The following FAM193A variants were observed in gnomAD, a reference collection of about 807,000 sequenced individuals.
FAM193A encodes the protein family with sequence similarity 193 member A.
In FAM193A, 22 loss-of-function variants were observed where a neutral mutation model predicts 126.5. The ratio of observed to expected loss-of-function variants is 0.17; its 90% CI spans 0.12 to 0.25. The LOEUF (loss-of-function observed/expected upper bound fraction) is 0.25, where lower values mean the gene tolerates loss of function less well. FAM193A is among the 10% of genes least tolerant of loss of function. The pLI is 1.00. For missense variants in FAM193A, 1,675 were observed against 1,672.8 expected (o/e 1.00, Z -0.02); for synonymous variants, 761 against 646.8 (o/e 1.18, Z -2.68).
chr4:2,578,251 C>T (rs1042176019), intron 1 of FAM193A, among the ~76,000 whole-genome samples: 2 of 152,062 alleles, frequency 1.3e-5, no homozygotes, highest in Admixed American at 6.6e-5. Context: ...TACTCTGTTA[C>T]TTATAATATT....
In FAM193A at chr4:2,568,973, C is replaced by CTTTTTTTTTT. The variant is rs753557878; in HGVS notation, c.256-27099_256-27090dup. On this transcript the variant is annotated intron_variant, in intron 1 of 20. Transcript: ENST00000637812. ...GATTTCTTTTGTTGTTGTTGTTTTG[C>CTTTTTTTTTT]TTTTTTTTTTTTTTTTTTTTTGATC... 1.5e-4 allele frequency among the ~76,000 whole-genome samples: 14 copies of CTTTTTTTTTT among 90,722 alleles called. 1 individual carries two copies. The highest frequency in any genetic ancestry group is 4.1e-4 in the African/African-American group (9 of 21,726). 59.5% of individuals were successfully genotyped at this position (90,722 alleles called of 152,430 possible). A position where few individuals can be genotyped will look rare whatever the true frequency, so the allele number is the denominator to read the frequency against.
intron 19 of FAM193A, among the ~76,000 whole-genome samples, chr4:2,712,131 T>C (rs1353715340): frequency 6.6e-6 from 1 of 152,168 alleles, no homozygotes; most frequent in Non-Finnish European, 1.5e-5. Context: ...CTTTTGTAAC[T>C]CCTCCATGTG....
At chr4:2,681,657 T>G (rs1381970500) in intron 13 of FAM193A, among the ~76,000 whole-genome samples, 2 of 151,816 alleles carry the variant, frequency 1.3e-5, no homozygotes, top group Non-Finnish European at 2.9e-5. Context: ...GGGACGGAGG[T>G]CTCACCATGT....
At chr4:2,535,500 GA>G (rs1018968727), upstream of FAM193A, among the ~76,000 whole-genome samples, 1 of 152,206 alleles carries the variant, frequency 6.6e-6, no homozygotes, top group African/African-American at 2.4e-5. Context: ...CCAAAAAGGG[GA>G]AATCATGTCC....
At position 2,574,535 on chromosome 4, in the gene FAM193A, G is replaced by A. The variant is rs545531000; in HGVS notation, c.256-21549G>A. 2.6e-5 allele frequency among the ~76,000 whole-genome samples: 4 copies of A among 152,242 alleles called. No homozygotes were observed. In the South Asian group the frequency reaches 8.3e-4, roughly 32 times the overall value. ...CCCCTAAATCCAACTTCTGGGAGTC[G>A]TGTGTATTGACGGTCATGGATGTGG... is the stretch of plus-strand genomic sequence containing the variant. On this transcript the variant is annotated intron_variant, in intron 1 of 20. Transcript: ENST00000637812.
chr4:2,659,618 T>C lies in FAM193A; in HGVS notation c.1450T>C (p.Leu484=). Residue 484 remains leucine, a synonymous_variant, in exon 9 of 21, where the codon TTA becomes CTA. Coordinates refer to ENST00000637812, the MANE Select transcript of FAM193A (RefSeq NM_001366318.2). ...NNFTDTMRHM[L]SSRLSMPDCP... The stretch of plus-strand genomic sequence containing the variant: ...CTTCACAGACACCATGAGGCACATG[T>C]TATCGTCCCGGCTGAGCATGCCCGA... The C allele has an allele frequency of 6.2e-7, 1 of 1,614,146 alleles. No individual in the cohort carries two copies. Among genetic ancestry groups the C allele is most frequent in the Non-Finnish European group, 8.5e-7 (1 of 1,180,032 alleles).
chr4:2,661,392 T>C (rs1009448312), intron 10 of FAM193A, among the ~76,000 whole-genome samples: 2 of 152,258 alleles, frequency 1.3e-5, no homozygotes, highest in Admixed American at 6.5e-5. Flanking sequence ...GTTGGATCTT[T>C]ACGGAGCTAG....
intron 1 of FAM193A, among the ~76,000 whole-genome samples, chr4:2,550,893 C>G (rs192541482): frequency 6.6e-6 from 1 of 151,590 alleles, no homozygotes; most frequent in African/African-American, 2.4e-5. Flanking sequence ...CTCTGCCTCC[C>G]GGGTTCACGC....
chr4:2,542,215 C>T (rs1342669301), intron 1 of FAM193A, among the ~76,000 whole-genome samples: 2 of 152,034 alleles, frequency 1.3e-5, no homozygotes, highest in Admixed American at 6.6e-5. Context: ...GGGGCTTCAC[C>T]ATGTTGGTCT....
Position 2,696,373 on chromosome 4 carries a change from C to A in FAM193A, c.3287C>A (p.Ala1096Glu). ...EFFGHGGPPA[A>E]PTSRNYAEMR... ...TGTTGTTTTTCTCAGCCTCCAGCTGCACCAACAAGTAGAAATTATGCAGAA... is the reference window on the plus strand; with the variant it reads ...TGTTGTTTTTCTCAGCCTCCAGCTGAACCAACAAGTAGAAATTATGCAGAA... Residue 1096 changes from alanine to glutamate, a missense_variant, in exon 18 of 21, where the codon GCA (alanine) becomes GAA (glutamate). Coordinates refer to ENST00000637812, the MANE Select transcript of FAM193A (RefSeq NM_001366318.2). The A allele has an allele frequency of 6.2e-7, 1 of 1,611,628 alleles. No homozygotes were observed. Among genetic ancestry groups the A allele is most frequent in the Non-Finnish European group, 8.5e-7 (1 of 1,178,102 alleles).
At chr4:2,653,018 T>A (rs971268059) in intron 7 of FAM193A, among the ~76,000 whole-genome samples, 2 of 152,210 alleles carry the variant, frequency 1.3e-5, no homozygotes, top group African/African-American at 2.4e-5. Flanking sequence ...GTCAGCGGTG[T>A]CCTACGTAGC....
At chr4:2,580,527 G>T (rs761518657) in intron 1 of FAM193A, among the ~76,000 whole-genome samples, 1 of 152,156 alleles carries the variant, frequency 6.6e-6, no homozygotes, top group African/African-American at 2.4e-5. Context: ...TGGAGCTAGG[G>T]TCTGCTGGGA....
intron 12 of FAM193A, among the ~76,000 whole-genome samples, chr4:2,664,671 A>G (rs774547130): frequency 2.7e-5 from 4 of 146,966 alleles, no homozygotes; most frequent in African/African-American, 5.1e-5. Flanking sequence ...GGTTCAAGCA[A>G]TTCTGCCTCA....
intron 1 of FAM193A, among the ~76,000 whole-genome samples, chr4:2,582,675 T>C (rs1166080355): frequency 1.3e-5 from 2 of 152,166 alleles, no homozygotes; most frequent in Non-Finnish European, 2.9e-5. Context: ...TCTCAACCGT[T>C]ATTTCTTCTG....
intron 1 of FAM193A, among the ~76,000 whole-genome samples, chr4:2,543,276 A>G (rs1391262696): frequency 6.6e-6 from 1 of 151,620 alleles, no homozygotes; most frequent in African/African-American, 2.4e-5. Context: ...TTTAGTAGAG[A>G]CAGGGTTTCA....
intron 2 of FAM193A, among the ~76,000 whole-genome samples, chr4:2,621,758 A>G (rs181477387): frequency 1.9e-3 from 292 of 152,184 alleles, no homozygotes; most frequent in Non-Finnish European, 3.4e-3. Flanking sequence ...GGAGTGGACA[A>G]CTTTGCTGTT....
Position 2,716,059 on chromosome 4 carries a change from G to A in FAM193A, c.4409G>A (p.Ser1470Asn), listed in dbSNP as rs1169839258. ...CTACCTAAAGATATTGACCTAGACA[G>A]TGTGGATATGGATGAGACAGAGAGG... is the stretch of plus-strand genomic sequence containing the variant. ...VFLPKDIDLDSVDMDETEREV... is the reference protein window; with the variant it reads ...VFLPKDIDLDNVDMDETEREV... Residue 1470 changes from serine to asparagine, a missense_variant, in exon 20 of 21, where the codon AGT becomes AAT. Physicochemically the swap from Ser to Asn is conservative, Grantham distance 46 (BLOSUM62 1). This residue lies in a region of FAM193A where 415 missense variants were observed against 396.7 expected (regional missense o/e 1.05). Transcript: ENST00000637812. The A allele has an allele frequency of 1.9e-6, 3 of 1,608,180 alleles. No individual in the cohort carries two copies. Among genetic ancestry groups the A allele is most frequent in the Non-Finnish European group, 2.6e-6 (3 of 1,174,480 alleles).
At chr4:2,636,000 ATT>A (rs796940676) in intron 5 of FAM193A, among the ~76,000 whole-genome samples, 7 of 144,982 alleles carry the variant, frequency 4.8e-5, no homozygotes, top group African/African-American at 1.3e-4. Context: ...AAAAGGACGA[ATT>A]TTTTTTTTTT....
chr4:2,689,608 G>C lies in FAM193A; in HGVS notation c.2434G>C (p.Glu812Gln). 6.4e-7 allele frequency: 1 copy of C among 1,568,476 alleles called. No homozygotes were observed. Among genetic ancestry groups the C allele is most frequent in the Non-Finnish European group, 8.6e-7 (1 of 1,163,628 alleles). The stretch of plus-strand genomic sequence containing the variant: ...TCCGAGCTGTTTTGGGAATACTCCA[G>C]AGTGGAATAGTTCTAAATTTATAAG... ...IYPSCFGNTP[E>Q]WNSSKFISLW... The change falls in exon 14 of 21, where the codon GAG (glutamate) becomes CAG (glutamine). Residue 812 changes from glutamate to glutamine, a missense_variant. This residue lies in a region of FAM193A where 1,186 missense variants were observed against 1,109.2 expected (regional missense o/e 1.07). Coordinates refer to ENST00000637812, the MANE Select transcript of FAM193A (RefSeq NM_001366318.2).
Sources: gnomAD v4.1 joint callset for allele counts (sites outside exome capture counted in the v4.1 genomes callset) on GRCh38, gnomAD v4.1.1 for gene constraint, gnomAD v4.1.1 regional missense constraint, MANE v1.5 for transcripts, NCBI Gene and HGNC (gene_info 2026-07-23, HGNC 2026-07-21) for gene names.